The following GABRB1 variants were observed in gnomAD, a reference collection of about 807,000 sequenced individuals.
The protein encoded by GABRB1 is gamma-aminobutyric acid type A receptor subunit beta1, also known as gamma-aminobutyric acid receptor subunit beta-1.
A neutral mutation model predicts 51.6 loss-of-function variants in GABRB1; 17 were observed. The observed-to-expected ratio is 0.33, with a 90% CI of 0.23 to 0.49. The LOEUF (loss-of-function observed/expected upper bound fraction) is 0.49, where lower values mean the gene tolerates loss of function less well. Among genes scored for constraint, GABRB1 ranks in the 20% least tolerant of loss-of-function variants. The probability of loss-of-function intolerance (pLI) is 0.99; values close to 1 mark genes in which losing one functional copy is unlikely to be tolerated. For synonymous variants in GABRB1, 247 were observed against 218.9 expected (o/e 1.13, Z -1.14); for missense variants, 410 against 600.6 (o/e 0.68, Z 3.32).
At chr4:47,396,665 G>C (rs1164032765) in intron 5 of GABRB1, among the ~76,000 whole-genome samples, 1 of 152,092 alleles carries the variant, frequency 6.6e-6, no homozygotes, top group Non-Finnish European at 1.5e-5. Flanking sequence ...ACTTTTTCCA[G>C]TAATTCCTAA....
At chr4:47,226,917 CAAT>C (rs1720961746) in intron 4 of GABRB1, among the ~76,000 whole-genome samples, 2 of 152,076 alleles carry the variant, frequency 1.3e-5, no homozygotes, top group Non-Finnish European at 2.9e-5. Context: ...ACAATGGAAA[CAAT>C]AAAGTGATAT....
intron 4 of GABRB1, among the ~76,000 whole-genome samples, chr4:47,319,423 G>A (rs746306905): frequency 2.1e-4 from 32 of 152,000 alleles, no homozygotes; most frequent in Non-Finnish European, 4.3e-4. Context: ...TAATTTTTCT[G>A]TATTTATTGA....
chr4:47,270,656 C>A (rs1009357134), intron 4 of GABRB1, among the ~76,000 whole-genome samples: 1 of 152,180 alleles, frequency 6.6e-6, no homozygotes, highest in Non-Finnish European at 1.5e-5. Flanking sequence ...TCCTCCTAAC[C>A]TATTCAGCTA....
intron 4 of GABRB1, among the ~76,000 whole-genome samples, chr4:47,264,039 G>A (rs754047831): frequency 6.6e-6 from 1 of 152,082 alleles, no homozygotes; most frequent in Non-Finnish European, 1.5e-5. Flanking sequence ...CTACTCAGGA[G>A]GCAGAGCTGG....
intron 4 of GABRB1, among the ~76,000 whole-genome samples, chr4:47,218,407 C>T (rs373033006): frequency 6.6e-6 from 1 of 151,808 alleles, no homozygotes; most frequent in East Asian, 1.9e-4. Context: ...TTTGAGAAAC[C>T]TCCATAGTTT....
At chr4:47,077,481 T>C (rs1045175318) in intron 3 of GABRB1, among the ~76,000 whole-genome samples, 1 of 152,150 alleles carries the variant, frequency 6.6e-6, no homozygotes, top group Non-Finnish European at 1.5e-5. Context: ...TAATCTGTCT[T>C]ATGCTCCTTA....
Position 47,069,420 on chromosome 4 carries a change from G to C in GABRB1, c.240+36936G>C, listed in dbSNP as rs1409114728. Among the ~76,000 whole-genome samples, 6 of 151,892 alleles carry C rather than the reference G, an allele frequency of 4.0e-5. No homozygotes were observed. The South Asian group carries it at 6.3e-4, about 16-fold the overall frequency. On this transcript the variant is annotated intron_variant, in intron 3 of 8. Coordinates refer to ENST00000295454, the MANE Select transcript of GABRB1 (RefSeq NM_000812.4). The stretch of plus-strand genomic sequence containing the variant: ...ACCCTGTAATCCAAATATTTTGCCA[G>C]AGTTTCATTAAAAATATTTATGTTG...
intron 5 of GABRB1, among the ~76,000 whole-genome samples, chr4:47,382,083 C>A (rs1368030942): frequency 6.6e-6 from 1 of 152,136 alleles, no homozygotes; most frequent in African/African-American, 2.4e-5. Flanking sequence ...CTTCTTAAAT[C>A]TTCTATCCTA....
intron 4 of GABRB1, among the ~76,000 whole-genome samples, chr4:47,249,101 G>A (rs1385555497): frequency 6.6e-6 from 1 of 151,994 alleles, no homozygotes; most frequent in Non-Finnish European, 1.5e-5. Flanking sequence ...TGTGAATTTA[G>A]AATGTCCATT....
chr4:47,120,337 C>A (rs1715720823), intron 3 of GABRB1, among the ~76,000 whole-genome samples: 1 of 152,114 alleles, frequency 6.6e-6, no homozygotes, highest in Admixed American at 6.6e-5. Flanking sequence ...ATTTTCCAGA[C>A]AGAAAATCAA....
chr4:47,127,210 G>T lies in GABRB1; in HGVS notation c.241-34039G>T, dbSNP rs549480304. ...TTAATAATGAGAATAGTAGACTGAA[G>T]AACTTTATTAAGGTAAAATACATAG... On this transcript the variant is annotated intron_variant, in intron 3 of 8. Coordinates refer to ENST00000295454, the MANE Select transcript of GABRB1 (RefSeq NM_000812.4). Among the ~76,000 whole-genome samples the T allele has an allele frequency of 1.6e-3, 249 of 151,726 alleles. 2 individuals are homozygous for T. Among genetic ancestry groups the T allele is most frequent in the African/African-American group, 5.9e-3 (244 of 41,474 alleles).
chr4:47,394,192 T>C (rs1326747636), intron 5 of GABRB1, among the ~76,000 whole-genome samples: 1 of 152,208 alleles, frequency 6.6e-6, no homozygotes, highest in East Asian at 1.9e-4. Context: ...CTGTTTTTAC[T>C]GCCTACTTGA....
At position 47,090,517 on chromosome 4, in the gene GABRB1, T is replaced by C. The variant is rs191457541; in HGVS notation, c.240+58033T>C. ...GGCAGACACAACATTGGATAAATCA[T>C]TGGGGCACTGGAAATAGTGTATTAG... On this transcript the variant is annotated intron_variant, in intron 3 of 8. Transcript: ENST00000295454. Among the ~76,000 whole-genome samples the C allele has an allele frequency of 8.5e-5, 13 of 152,270 alleles. No homozygotes were observed. The South Asian group carries it at 1.7e-3, about 19-fold the overall frequency.
At chr4:47,271,586 C>T (rs1243783038) in intron 4 of GABRB1, among the ~76,000 whole-genome samples, 2 of 152,172 alleles carry the variant, frequency 1.3e-5, no homozygotes, top group African/African-American at 4.8e-5. Context: ...CTATAAACCC[C>T]AGAAATCTCA....
chr4:47,018,114 TCTCCTCCTCATC>T (rs1236358701), intron 1 of GABRB1, among the ~76,000 whole-genome samples: 1 of 151,362 alleles, frequency 6.6e-6, no homozygotes, highest in African/African-American at 2.4e-5. Flanking sequence ...CTCCTCTTCT[TCTCCTCCTCATC>T]CTCCTCCTCT....
chr4:47,074,639 T>G (rs1727473987), intron 3 of GABRB1, among the ~76,000 whole-genome samples: 1 of 152,148 alleles, frequency 6.6e-6, no homozygotes, highest in Non-Finnish European at 1.5e-5. Flanking sequence ...CTATTATGAC[T>G]AGGACATGCA....
intron 3 of GABRB1, among the ~76,000 whole-genome samples, chr4:47,057,895 G>A (rs1260917190): frequency 2.0e-5 from 3 of 152,186 alleles, no homozygotes; most frequent in Non-Finnish European, 2.9e-5. Context: ...AGGATAGAAT[G>A]GACAGAAGTG....
Position 47,078,771 on chromosome 4 carries a change from T to C in GABRB1, c.240+46287T>C, listed in dbSNP as rs543759308. Among the ~76,000 whole-genome samples, 5 of 152,318 alleles carry C rather than the reference T, an allele frequency of 3.3e-5. No individual in the cohort carries two copies. The South Asian group carries it at 1.0e-3, about 32-fold the overall frequency. Reference sequence around the variant, plus strand: ...TCCAACTTTTCTTATAGCAATTACTTACTATTGGGCACTGCCCCTGGTTAA... The same window carrying C: ...TCCAACTTTTCTTATAGCAATTACTCACTATTGGGCACTGCCCCTGGTTAA... On this transcript the variant is annotated intron_variant, in intron 3 of 8. Coordinates refer to ENST00000295454, the MANE Select transcript of GABRB1 (RefSeq NM_000812.4).
chr4:47,214,946 G>A (rs951093903), intron 4 of GABRB1, among the ~76,000 whole-genome samples: 1 of 152,120 alleles, frequency 6.6e-6, no homozygotes, highest in Non-Finnish European at 1.5e-5. Flanking sequence ...GCTTCCCTTA[G>A]AGTAAAGTGC....
Sources: allele counts gnomAD v4.1 joint callset (sites outside exome capture counted in the v4.1 genomes callset), GRCh38; gene constraint gnomAD v4.1.1; transcripts MANE v1.5; gene names NCBI Gene and HGNC (gene_info 2026-07-23, HGNC 2026-07-21).